Variants in ZNF507 observed in about 807,000 individuals in gnomAD.
ZNF507 encodes the protein zinc finger protein 507.
In ZNF507, 29 loss-of-function variants were observed where a neutral mutation model predicts 80.0. The ratio of observed to expected loss-of-function variants is 0.36; its 90% CI spans 0.27 to 0.49. ZNF507 has a LOEUF of 0.49. Among genes scored for constraint, ZNF507 ranks in the 20% least tolerant of loss-of-function variants. The pLI is 0.98. For missense variants in ZNF507, 1,081 were observed against 1,152.2 expected, an observed-to-expected ratio of 0.94 and a Z score of 0.90; for synonymous variants, 462 against 422.5, an observed-to-expected ratio of 1.09 and a Z score of -1.15.
chr19:32,383,197 G>C lies in ZNF507; in HGVS notation c.*114G>C. On this transcript the variant is annotated 3_prime_UTR_variant, in exon 7 of 7. Transcript: ENST00000355898. ...AGAAGAAGTCGTTGATGTGATTTTT[G>C]AGGAAATGACAGATGTGACTTTGGA... 2.2e-6 allele frequency: 3 copies of C among 1,395,194 alleles called. No individual in the cohort carries two copies. The highest frequency in any genetic ancestry group is 2.9e-6 in the Non-Finnish European group (3 of 1,034,908). 86.4% of individuals were successfully genotyped at this position (1,395,194 alleles called of 1,614,324 possible). A position where few individuals can be genotyped will look rare whatever the true frequency, so the allele number is the denominator to read the frequency against.
chr19:32,350,251 A>AT (rs1245642050), intron 2 of ZNF507, among the ~76,000 whole-genome samples: 3 of 138,992 alleles, frequency 2.2e-5, no homozygotes, highest in African/African-American at 8.2e-5. Context: ...TAACCTGTGC[A>AT]TTGATTTTGC....
At chr19:32,362,270 A>G (rs1396974069) in intron 5 of ZNF507, among the ~76,000 whole-genome samples, 1 of 152,200 alleles carries the variant, frequency 6.6e-6, no homozygotes, top group East Asian at 1.9e-4. Flanking sequence ...GAAACAGGGA[A>G]CACTAGTTTA....
intron 2 of ZNF507, among the ~76,000 whole-genome samples, chr19:32,349,415 T>A (rs957745885): frequency 6.6e-6 from 1 of 152,234 alleles, no homozygotes; most frequent in Non-Finnish European, 1.5e-5. Flanking sequence ...AAGCTTTTGC[T>A]TACCTTGCTA....
chr19:32,346,844 T>A (rs931682883), intron 1 of ZNF507, among the ~76,000 whole-genome samples: 2 of 152,282 alleles, frequency 1.3e-5, no homozygotes, highest in African/African-American at 4.8e-5. Context: ...GCTGTTTTTC[T>A]GCCTATTGTG....
chr19:32,363,332 A>G (rs931254793), intron 5 of ZNF507, among the ~76,000 whole-genome samples: 15 of 152,242 alleles, frequency 9.9e-5, no homozygotes, highest in African/African-American at 3.6e-4. Context: ...AACTTTGCAC[A>G]AGGGCACAAA....
At chr19:32,348,681 ATTAC>A (rs1211041500) in intron 2 of ZNF507, among the ~76,000 whole-genome samples, 4 of 152,212 alleles carry the variant, frequency 2.6e-5, no homozygotes, top group Non-Finnish European at 4.4e-5. Flanking sequence ...ACTTTTGTTT[ATTAC>A]TTATTTATTG....
chr19:32,356,846 T>C lies in ZNF507; in HGVS notation c.2245+113T>C, dbSNP rs187995218. 6.3e-5 allele frequency: 49 copies of C among 780,466 alleles called. No homozygotes were observed. The East Asian group carries it at 8.6e-4, about 14-fold the overall frequency. The allele number at this position is 780,466 out of a possible 1,614,324, so 48.3% of individuals were successfully genotyped here. A position where few individuals can be genotyped will look rare whatever the true frequency, so the allele number is the denominator to read the frequency against. On this transcript the variant is annotated intron_variant, in intron 4 of 6. Transcript: ENST00000355898. ...CAAAAGCCTATATTCTCCTCCATTT[T>C]TGTACCATGGATGTGAGTGAATCTG...
intron 2 of ZNF507, 68 bp downstream of exon 2, chr19:32,347,406 C>T (rs1179151114): frequency 1.3e-5 from 2 of 152,154 alleles, no homozygotes; most frequent in East Asian, 1.9e-4. Context: ...CCTAGCCTGT[C>T]CTAAAGAGTT....
chr19:32,368,117 A>G (rs1967423805), intron 5 of ZNF507, among the ~76,000 whole-genome samples: 1 of 152,110 alleles, frequency 6.6e-6, no homozygotes, highest in Admixed American at 6.5e-5. Context: ...CACCAGGGAG[A>G]TCTCTTTATG....
At chr19:32,362,728 T>G (rs1967345777) in intron 5 of ZNF507, among the ~76,000 whole-genome samples, 1 of 152,218 alleles carries the variant, frequency 6.6e-6, no homozygotes, top group Non-Finnish European at 1.5e-5. Flanking sequence ...CCTAGGGTCT[T>G]CCTACCAACG....
At position 32,354,665 on chromosome 19, in the gene ZNF507, A is replaced by C. The variant is rs1158423455; in HGVS notation, c.1835A>C (p.Gln612Pro). Reference sequence around the variant, plus strand: ...GACGATGACATTTTGAAAGAGTTGCAGGACAACGCCCAGTGCCAACCCAAC... The same window carrying C: ...GACGATGACATTTTGAAAGAGTTGCCGGACAACGCCCAGTGCCAACCCAAC... ...ASDDDILKELQDNAQCQPNSD... is the reference protein window; with the variant it reads ...ASDDDILKELPDNAQCQPNSD... The change falls in exon 3 of 7, where the codon CAG becomes CCG. Residue 612 changes from glutamine (Q) to proline (P), a missense_variant. Transcript: ENST00000355898. 6.2e-7 allele frequency: 1 copy of C among 1,614,210 alleles called. No individual in the cohort carries two copies. Among genetic ancestry groups the C allele is most frequent in the Admixed American group, 1.7e-5 (1 of 60,018 alleles).
At chr19:32,346,533 A>G (rs1967099636) in intron 1 of ZNF507, among the ~76,000 whole-genome samples, 1 of 152,162 alleles carries the variant, frequency 6.6e-6, no homozygotes, top group African/African-American at 2.4e-5. Flanking sequence ...CCTCTCACTC[A>G]GAGTATGGGT....
intron 1 of ZNF507, 78 bp from the exon 2 acceptor site, chr19:32,347,167 C>T (rs1967107640): frequency 6.6e-6 from 1 of 151,308 alleles, no homozygotes; most frequent in African/African-American, 2.4e-5. Flanking sequence ...TTTTTCACTG[C>T]CAAAAAAAAA....
At chr19:32,373,595 A>G (rs1424770908) in intron 5 of ZNF507, among the ~76,000 whole-genome samples, 6 of 152,160 alleles carry the variant, frequency 3.9e-5, no homozygotes, top group African/African-American at 9.7e-5. Context: ...CTTTAACACA[A>G]ACTTTTTGGC....
chr19:32,352,876 G>C lies in ZNF507; in HGVS notation c.46G>C (p.Glu16Gln). 6.2e-7 allele frequency: 1 copy of C among 1,601,118 alleles called. No homozygotes were observed. Among genetic ancestry groups the C allele is most frequent in the Non-Finnish European group, 8.5e-7 (1 of 1,176,306 alleles). Residue 16 changes from glutamate to glutamine, a missense_variant, in exon 3 of 7, where the codon GAA becomes CAA. Physicochemically the swap from Glu to Gln is conservative, Grantham distance 29 (BLOSUM62 2). Coordinates refer to ENST00000355898, the MANE Select transcript of ZNF507 (RefSeq NM_001136156.2). Reference sequence around the variant, plus strand: ...TGCCATGTTGGTGCCAGATATTGGGGAACAGGAAGCTATACTGACTGCTGA... The same window carrying C: ...TGCCATGTTGGTGCCAGATATTGGGCAACAGGAAGCTATACTGACTGCTGA... ...SVAMLVPDIGEQEAILTAESI... is the reference protein window; with the variant it reads ...SVAMLVPDIGQQEAILTAESI...
chr19:32,382,752 A>G lies in ZNF507; in HGVS notation c.2531A>G (p.Lys844Arg), dbSNP rs150862278. The change falls in exon 7 of 7, where the codon AAG becomes AGG. Residue 844 changes from lysine to arginine, a missense_variant. By Grantham distance (26) the Lys-to-Arg change is conservative. Transcript: ENST00000355898. ...AAATCCCCTGGAAAGACTCAATTAA[A>G]GAGCAGTGAAGAGAGTGCAGATCCC... Reference protein sequence around the residue: ...LGKSPGKTQLKSSEESADPVT... With the variant: ...LGKSPGKTQLRSSEESADPVT... 4.5e-5 allele frequency: 72 copies of G among 1,613,334 alleles called. No individual in the cohort carries two copies. The African/African-American group carries it at 8.5e-4, about 19-fold the overall frequency.
rs1053450853 is a variant in ZNF507, at chr19:32,385,826, C to T, written c.*2743C>T. The T allele has an allele frequency of 2.0e-5, 3 of 151,540 alleles. No individual in the cohort carries two copies. Among genetic ancestry groups the T allele is most frequent in the Admixed American group, 6.6e-5 (1 of 15,232 alleles). The allele number at this position is 151,540 out of a possible 1,614,324, so 9.4% of individuals were successfully genotyped here. On this transcript the variant is annotated 3_prime_UTR_variant, in exon 7 of 7. Coordinates refer to ENST00000355898, the MANE Select transcript of ZNF507 (RefSeq NM_001136156.2). ...TGAGGTCCTCTGTTTACCTCCCCCC[C>T]CAAAAAAAAAATTCAGTAGGAATTC...
rs760063449 is a variant in ZNF507, at chr19:32,353,750, T to C, written c.920T>C (p.Ile307Thr). The C allele has an allele frequency of 1.4e-5, 22 of 1,614,084 alleles. No homozygotes were observed. Among genetic ancestry groups the C allele is most frequent in the Non-Finnish European group, 1.9e-5 (22 of 1,180,046 alleles). The change falls in exon 3 of 7, where the codon ATT (isoleucine) becomes ACT (threonine). Residue 307 changes from isoleucine to threonine, a missense_variant. Coordinates refer to ENST00000355898, the MANE Select transcript of ZNF507 (RefSeq NM_001136156.2). ...AAPGGVDAVV[I>T]AIGESELSIH... is the part of the protein sequence containing the mutation. The stretch of plus-strand genomic sequence containing the variant: ...CCTGGTGGGGTCGATGCAGTCGTCA[T>C]TGCTATTGGAGAGAGTGAACTGAGT...
rs1967208851 is a variant in ZNF507 at position 32,353,890 on chromosome 19, C to T, written c.1060C>T (p.Leu354=). The change falls in exon 3 of 7, where the codon CTG becomes TTG. Residue 354 remains leucine (L), a synonymous_variant. Coordinates refer to ENST00000355898, the MANE Select transcript of ZNF507 (RefSeq NM_001136156.2). ...RGVHLSQSVT[L]DPNEEEMLEV... is the part of the protein sequence containing the mutation. ...AGTACACCTAAGTCAGTCAGTTACCCTGGACCCCAATGAGGAAGAAATGCT... is the reference window on the plus strand; with the variant it reads ...AGTACACCTAAGTCAGTCAGTTACCTTGGACCCCAATGAGGAAGAAATGCT... The T allele has an allele frequency of 1.2e-6, 2 of 1,614,108 alleles. No individual in the cohort carries two copies. Among genetic ancestry groups the T allele is most frequent in the Non-Finnish European group, 8.5e-7 (1 of 1,180,030 alleles).
Sources: allele counts gnomAD v4.1 joint callset (sites outside exome capture counted in the v4.1 genomes callset), GRCh38; gene constraint gnomAD v4.1.1; transcripts MANE v1.5; gene names NCBI Gene and HGNC (gene_info 2026-07-23, HGNC 2026-07-21).